Variants in CDK5RAP1 observed in about 807,000 individuals in gnomAD.
CDK5RAP1 encodes CDK5RAP1 mitochondrial tRNA methylthiotransferase.
Under a neutral mutation model 64.5 loss-of-function variants are expected in CDK5RAP1, and 62 were observed. That is an observed-to-expected ratio of 0.96 (90% confidence interval 0.78 to 1.19). The LOEUF (loss-of-function observed/expected upper bound fraction) is 1.19. Ranked by LOEUF, CDK5RAP1 falls within the 50% of genes most tolerant of loss-of-function variation. CDK5RAP1 has a pLI of 0.00. For missense variants in CDK5RAP1, 657 were observed against 735.0 expected (o/e 0.89, Z 1.23); for synonymous variants, 250 against 261.9 (o/e 0.95, Z 0.44).
intron 8 of CDK5RAP1, 33 bp downstream of exon 8, chr20:33,379,428 A>G (rs984902096): frequency 2.0e-6 from 3 of 1,475,980 alleles, no homozygotes; most frequent in Non-Finnish European, 2.8e-6. Context: ...AAGAATACTA[A>G]TATCAGTTTG....
chr20:33,389,357 C>T (rs1010045200), intron 5 of CDK5RAP1, among the ~76,000 whole-genome samples: 250 of 151,832 alleles, frequency 1.6e-3, no homozygotes, highest in Non-Finnish European at 2.3e-3. Flanking sequence ...GCAGCCGCCC[C>T]GTCTGAGAAG....
At chr20:33,362,225 G>T (rs1983076232) in intron 12 of CDK5RAP1, among the ~76,000 whole-genome samples, 1 of 152,002 alleles carries the variant, frequency 6.6e-6, no homozygotes, top group South Asian at 2.1e-4. Context: ...ACCACCCCCA[G>T]CCACATCAAA....
intron 12 of CDK5RAP1, among the ~76,000 whole-genome samples, chr20:33,363,778 G>C (rs1410722882): frequency 6.6e-6 from 1 of 152,076 alleles, no homozygotes; most frequent in Non-Finnish European, 1.5e-5. Flanking sequence ...ACACATTATA[G>C]TACCAGCTAC....
At chr20:33,370,056 T>C (rs1984719237) in intron 11 of CDK5RAP1, among the ~76,000 whole-genome samples, 1 of 152,186 alleles carries the variant, frequency 6.6e-6, no homozygotes, top group Non-Finnish European at 1.5e-5. Flanking sequence ...CTGCTTTGTT[T>C]CCTGGGAAGC....
At position 33,358,878 on chromosome 20, in the gene CDK5RAP1, G is replaced by A. The variant is rs1431519658; in HGVS notation, c.*165C>T. On this transcript the variant is annotated 3_prime_UTR_variant, in exon 14 of 14. Coordinates refer to ENST00000346416, the MANE Select transcript of CDK5RAP1 (RefSeq NM_016408.4). ...GGTAAATTTAATGACTGTAAAAGCT[G>A]TTCACATAGCAGCTTTAAAGAGACA... The A allele has an allele frequency of 1.7e-6, 1 of 597,730 alleles. No homozygotes were observed. The highest frequency in any genetic ancestry group is 3.0e-6 in the Non-Finnish European group (1 of 335,424). 37.0% of individuals were successfully genotyped at this position (597,730 alleles called of 1,614,324 possible).
intron 12 of CDK5RAP1, among the ~76,000 whole-genome samples, chr20:33,364,558 T>C (rs1983539837): frequency 6.6e-6 from 1 of 152,012 alleles, no homozygotes; most frequent in South Asian, 2.1e-4. Context: ...ATTAGTCAAG[T>C]ATTGACAACT....
chr20:33,396,000 C>A (rs1340374002), intron 2 of CDK5RAP1, among the ~76,000 whole-genome samples: 6 of 151,038 alleles, frequency 4.0e-5, no homozygotes, highest in Admixed American at 1.3e-4. Context: ...GGCGACAGAG[C>A]GAGACTCAAA....
intron 12 of CDK5RAP1, among the ~76,000 whole-genome samples, chr20:33,366,598 C>T (rs1432704393): frequency 6.6e-6 from 1 of 152,092 alleles, no homozygotes; most frequent in Non-Finnish European, 1.5e-5. Context: ...GTCAAAAGAG[C>T]GAGACTCCGT....
intron 5 of CDK5RAP1, 76 bp from the exon 6 acceptor site, chr20:33,387,609 T>C: frequency 8.3e-7 from 1 of 1,199,322 alleles, no homozygotes; most frequent in Non-Finnish European, 1.2e-6. Flanking sequence ...TTCCACTTTA[T>C]CTGTAGCTGG....
At chr20:33,389,345 C>T (rs891654310) in intron 5 of CDK5RAP1, among the ~76,000 whole-genome samples, 128 of 150,888 alleles carry the variant, frequency 8.5e-4, no homozygotes, top group African/African-American at 3.1e-3. Flanking sequence ...CCCCTCCGCG[C>T]GGCAGCCGCC....
intron 5 of CDK5RAP1, among the ~76,000 whole-genome samples, chr20:33,390,137 C>T (rs1046844365): frequency 1.2e-4 from 18 of 151,750 alleles, no homozygotes; most frequent in African/African-American, 3.1e-4. Context: ...AATTAGTCCT[C>T]GTGGAACGTG....
chr20:33,401,052 G>C (rs1989364081), intron 1 of CDK5RAP1, among the ~76,000 whole-genome samples: 1 of 152,236 alleles, frequency 6.6e-6, no homozygotes, highest in African/African-American at 2.4e-5. Flanking sequence ...AATGAGGCTG[G>C]AACAACAGCG....
At chr20:33,391,284 T>C (rs1352328002) in intron 5 of CDK5RAP1, among the ~76,000 whole-genome samples, 3 of 138,378 alleles carry the variant, frequency 2.2e-5, no homozygotes, top group African/African-American at 5.5e-5. Flanking sequence ...GATGACAGAG[T>C]GTGCTGGATG....
chr20:33,395,436 T>C (rs1198877159), intron 2 of CDK5RAP1, among the ~76,000 whole-genome samples: 1 of 151,868 alleles, frequency 6.6e-6, no homozygotes, highest in Non-Finnish European at 1.5e-5. Context: ...AGGGAGACCC[T>C]GTCTCTACAA....
chr20:33,386,063 G>A (rs1010545979), intron 6 of CDK5RAP1, among the ~76,000 whole-genome samples: 2 of 152,090 alleles, frequency 1.3e-5, no homozygotes, highest in African/African-American at 4.8e-5. Context: ...ACTTTCTACT[G>A]TTTTTTTGTT....
Position 33,397,074 on chromosome 20 carries a change from C to G in CDK5RAP1, c.-10G>C. On this transcript the variant is annotated 5_prime_UTR_variant, in exon 2 of 14. Transcript: ENST00000346416. ...ACTGTAAAGGGTGCATGGCACTAAA[C>G]AGCCCACAGTCTGCAAAAGAATGAC... is the stretch of plus-strand genomic sequence containing the variant. 6.3e-7 allele frequency: 1 copy of G among 1,589,862 alleles called. No homozygotes were observed.
intron 5 of CDK5RAP1, among the ~76,000 whole-genome samples, chr20:33,388,536 CT>C (rs1382100934): frequency 5.3e-5 from 5 of 94,306 alleles, no homozygotes; most frequent in East Asian, 3.9e-4. Context: ...CCCTCTCCCC[CT>C]CTCCCTCTCC....
At chr20:33,396,044 A>G (rs930997498) in intron 2 of CDK5RAP1, among the ~76,000 whole-genome samples, 14 of 152,084 alleles carry the variant, frequency 9.2e-5, no homozygotes, top group Non-Finnish European at 1.6e-4. Flanking sequence ...GGAAGGGCTA[A>G]CTGATAGTGT....
At chr20:33,377,746 G>A (rs920732048) in intron 8 of CDK5RAP1, among the ~76,000 whole-genome samples, 1 of 152,118 alleles carries the variant, frequency 6.6e-6, no homozygotes, top group Non-Finnish European at 1.5e-5. Context: ...CTGCCTCCCG[G>A]GTTCAAGCAA....
Sources: allele counts gnomAD v4.1 joint callset (sites outside exome capture counted in the v4.1 genomes callset), GRCh38; gene constraint gnomAD v4.1.1; transcripts MANE v1.5; gene names NCBI Gene and HGNC (gene_info 2026-07-23, HGNC 2026-07-21).